The following IKZF1 variants were observed in gnomAD, a reference collection of about 807,000 sequenced individuals.
IKZF1 encodes the protein IKAROS family zinc finger 1.
In IKZF1, 10 loss-of-function variants were observed where a neutral mutation model predicts 51.7. That is an observed-to-expected ratio of 0.19 (90% CI 0.12 to 0.33). The LOEUF is 0.33. Ranked by LOEUF, IKZF1 falls within the 10% of genes least tolerant of loss-of-function variation. The pLI is 1.00. For missense variants in IKZF1, 484 were observed against 707.5 expected (o/e 0.68, Z 3.58); for synonymous variants, 280 against 282.3 (o/e 0.99, Z 0.08).
chr7:50,337,639 T>C (rs1490721221), intron 3 of IKZF1, among the ~76,000 whole-genome samples: 1 of 152,138 alleles, frequency 6.6e-6, no homozygotes, highest in Non-Finnish European at 1.5e-5. Flanking sequence ...ATTGAATGAA[T>C]GAATGGGAAT....
At chr7:50,322,976 CCATAAA>C (rs1346487815) in intron 2 of IKZF1, among the ~76,000 whole-genome samples, 1 of 151,856 alleles carries the variant, frequency 6.6e-6, no homozygotes, top group African/African-American at 2.4e-5. Flanking sequence ...AAGTTTGTTT[CCATAAA>C]CATAAACATA....
chr7:50,331,800 G>T (rs1411254992), intron 3 of IKZF1, among the ~76,000 whole-genome samples: 3 of 152,222 alleles, frequency 2.0e-5, no homozygotes, highest in Non-Finnish European at 2.9e-5. Flanking sequence ...GAGCAGCCCT[G>T]CAGCCCTCAG....
intron 3 of IKZF1, among the ~76,000 whole-genome samples, chr7:50,338,518 G>T (rs1482791732): frequency 4.6e-5 from 7 of 152,294 alleles, no homozygotes; most frequent in South Asian, 2.1e-4. Context: ...GGAAAAAAAG[G>T]CTGGGGGGTT....
At chr7:50,321,045 T>G (rs1793133064) in intron 2 of IKZF1, among the ~76,000 whole-genome samples, 1 of 152,156 alleles carries the variant, frequency 6.6e-6, no homozygotes, top group Non-Finnish European at 1.5e-5. Context: ...CTCGTTCTTT[T>G]AAAAGAAAAT....
At chr7:50,344,954 G>T (rs1228803771) in intron 3 of IKZF1, among the ~76,000 whole-genome samples, 2 of 151,770 alleles carry the variant, frequency 1.3e-5, no homozygotes, top group Non-Finnish European at 2.9e-5. Flanking sequence ...TATTAGGTTG[G>T]TGCAAAAGTA....
chr7:50,402,633 T>A lies in IKZF1; in HGVS notation c.*2006T>A. 1 of 231,646 alleles carries A rather than the reference T, an allele frequency of 4.3e-6. No individual in the cohort carries two copies. Among genetic ancestry groups the A allele is most frequent in the Non-Finnish European group, 8.6e-6 (1 of 116,910 alleles). The allele number at this position is 231,646 out of a possible 1,614,324, so 14.3% of individuals were successfully genotyped here. ...CAGTATCAAGGCTGACTTGTGTTCA[T>A]GTGGAGTCATTATAAATTCTATAAA... On this transcript the variant is annotated 3_prime_UTR_variant, in exon 8 of 8. Coordinates refer to ENST00000331340, the MANE Select transcript of IKZF1 (RefSeq NM_006060.6).
chr7:50,388,685 TTAAAA>T lies in IKZF1; in HGVS notation c.715+1219_715+1223del, dbSNP rs1392753216. The T allele has an allele frequency of 4.6e-5, 7 of 152,168 alleles. No homozygotes were observed. The East Asian group carries it at 1.3e-3, about 29-fold the overall frequency. The allele number at this position is 152,168 out of a possible 1,614,324, so 9.4% of individuals were successfully genotyped here. A position where few individuals can be genotyped will look rare whatever the true frequency, so the allele number is the denominator to read the frequency against. On this transcript the variant is annotated intron_variant, in intron 6 of 7. Coordinates refer to ENST00000331340, the MANE Select transcript of IKZF1 (RefSeq NM_006060.6). ...TGAGTGGAAGAGAAGAAACTGGATG[TTAAAA>T]TAATAATAATGTAACAGTTATTAAT...
At chr7:50,355,377 A>G (rs1803012175) in intron 3 of IKZF1, among the ~76,000 whole-genome samples, 1 of 152,172 alleles carries the variant, frequency 6.6e-6, no homozygotes, top group African/African-American at 2.4e-5. Flanking sequence ...AGTCAGTGTC[A>G]TGTATAAGGA....
At chr7:50,348,751 A>G (rs1393679746) in intron 3 of IKZF1, among the ~76,000 whole-genome samples, 1 of 152,238 alleles carries the variant, frequency 6.6e-6, no homozygotes, top group African/African-American at 2.4e-5. Flanking sequence ...TCAACAAGCG[A>G]TTTGTTATTT....
At chr7:50,390,909 A>G (rs73348157) in intron 6 of IKZF1, among the ~76,000 whole-genome samples, 33 of 152,372 alleles carry the variant, frequency 2.2e-4, no homozygotes, top group African/African-American at 6.7e-4. Context: ...TAAGGCAGGA[A>G]CGGTATTGGA....
upstream of IKZF1, chr7:50,304,700 GC>G (rs1164586122): frequency 6.6e-6 from 1 of 151,984 alleles, no homozygotes; most frequent in Non-Finnish European, 1.5e-5. Flanking sequence ...GAGCTCCGCG[GC>G]CAAGTTAGCA....
chr7:50,393,745 G>A (rs184103236), intron 7 of IKZF1: 3 of 232,468 alleles, frequency 1.3e-5, no homozygotes, highest in Non-Finnish European at 2.6e-5. Context: ...TGGGCACAGA[G>A]CCCACGGGCT....
intron 3 of IKZF1, among the ~76,000 whole-genome samples, chr7:50,347,748 C>A (rs367824713): frequency 6.6e-6 from 1 of 152,144 alleles, no homozygotes; most frequent in Non-Finnish European, 1.5e-5. Flanking sequence ...ATGTTTGACG[C>A]GTGTCACATG....
chr7:50,319,340 G>A lies in IKZF1; in HGVS notation c.40+239G>A, dbSNP rs369794725. On this transcript the variant is annotated intron_variant, in intron 2 of 7. Coordinates refer to ENST00000331340, the MANE Select transcript of IKZF1 (RefSeq NM_006060.6). ...CTGTTAAACTTCAGGAAAAAAAAAC[G>A]GGAAGAGTTAAATACATTTTTGTAC... 8.5e-5 allele frequency among the ~76,000 whole-genome samples: 13 copies of A among 152,166 alleles called. 1 individual carries two copies. In the East Asian group the frequency reaches 1.7e-3, roughly 20 times the overall value.
chr7:50,341,937 T>C (rs2153417017), intron 3 of IKZF1, among the ~76,000 whole-genome samples: 1 of 151,974 alleles, frequency 6.6e-6, no homozygotes, highest in African/African-American at 2.4e-5. Flanking sequence ...GGCAGGCAGA[T>C]CTTGAGAGCT....
chr7:50,356,197 T>C (rs977064172), intron 3 of IKZF1, among the ~76,000 whole-genome samples: 4 of 152,258 alleles, frequency 2.6e-5, no homozygotes, highest in Non-Finnish European at 5.9e-5. Context: ...TTTTTGATTA[T>C]AATGTAAGGA....
chr7:50,387,832 A>G (rs1002537382), intron 6 of IKZF1, among the ~76,000 whole-genome samples: 1 of 152,250 alleles, frequency 6.6e-6, no homozygotes, highest in African/African-American at 2.4e-5. Context: ...TTGTAAACAA[A>G]ATAAAATGTA....
chr7:50,389,694 G>T (rs1814482038), intron 6 of IKZF1, among the ~76,000 whole-genome samples: 1 of 152,196 alleles, frequency 6.6e-6, no homozygotes, highest in Non-Finnish European at 1.5e-5. Flanking sequence ...AGGTGCTGCT[G>T]GTTTAAGGAA....
intron 2 of IKZF1, among the ~76,000 whole-genome samples, chr7:50,325,226 A>T (rs898084882): frequency 4.0e-5 from 6 of 150,786 alleles, no homozygotes; most frequent in Admixed American, 3.3e-4. Context: ...TCTGTGTAAG[A>T]TTATTTTGTT....
Sources: allele counts gnomAD v4.1 joint callset (sites outside exome capture counted in the v4.1 genomes callset), GRCh38; gene constraint gnomAD v4.1.1; transcripts MANE v1.5; gene names NCBI Gene and HGNC (gene_info 2026-07-23, HGNC 2026-07-21).